Variants in NEO1 observed in about 807,000 individuals in gnomAD.
The protein encoded by NEO1 is neogenin 1.
NEO1 carries 63 observed loss-of-function variants against 159.7 expected under a neutral mutation model. The ratio of observed to expected loss-of-function variants is 0.39; its 90% CI spans 0.32 to 0.49. The LOEUF is 0.49. Ranked by LOEUF, NEO1 falls within the 20% of genes least tolerant of loss-of-function variation. The probability of loss-of-function intolerance (pLI) is 0.85; values close to 1 mark genes in which losing one functional copy is unlikely to be tolerated. For synonymous variants in NEO1, 633 were observed against 662.0 expected, an observed-to-expected ratio of 0.96 and a Z score of 0.67; for missense variants, 1,615 against 1,831.0, an observed-to-expected ratio of 0.88 and a Z score of 2.15.
intron 1 of NEO1, among the ~76,000 whole-genome samples, chr15:73,098,200 T>C (rs960784933): frequency 1.3e-5 from 2 of 152,186 alleles, no homozygotes; most frequent in African/African-American, 2.4e-5. Context: ...TATATCCTAC[T>C]ATGTATAGTT....
chr15:73,251,938 C>T (rs982156837), intron 11 of NEO1, among the ~76,000 whole-genome samples: 9 of 152,182 alleles, frequency 5.9e-5, no homozygotes, highest in African/African-American at 2.2e-4. Context: ...TGCAGCAAAT[C>T]TTTGCTATGA....
intron 26 of NEO1, among the ~76,000 whole-genome samples, chr15:73,294,801 A>C (rs2042293275): frequency 1.3e-5 from 2 of 152,004 alleles, no homozygotes; most frequent in South Asian, 2.1e-4. Context: ...TGGCCTCCCA[A>C]AGTGCTGAAA....
At chr15:73,077,402 T>C (rs536049902) in intron 1 of NEO1, among the ~76,000 whole-genome samples, 1 of 152,336 alleles carries the variant, frequency 6.6e-6, no homozygotes, top group East Asian at 1.9e-4. Flanking sequence ...ACTAGTTATG[T>C]TCTCCACCCT....
chr15:73,258,666 C>T, intron 13 of NEO1, 100 bp from the exon 14 acceptor site: 1 of 943,782 alleles, frequency 1.1e-6, no homozygotes, highest in Admixed American at 2.0e-5. Context: ...AAGCTATATA[C>T]TGAGTTGGTG....
At chr15:73,069,128 T>A (rs1206715314) in intron 1 of NEO1, among the ~76,000 whole-genome samples, 1 of 114,548 alleles carries the variant, frequency 8.7e-6, no homozygotes, top group East Asian at 2.0e-4. Flanking sequence ...TTTTTGTATT[T>A]TTTTTTTTTT....
chr15:73,237,420 T>C (rs1337924219), intron 8 of NEO1, among the ~76,000 whole-genome samples: 2 of 152,240 alleles, frequency 1.3e-5, no homozygotes, highest in Non-Finnish European at 2.9e-5. Flanking sequence ...TGCCACATGC[T>C]GACTGTTCAC....
At chr15:73,073,142 G>A (rs1435629846) in intron 1 of NEO1, among the ~76,000 whole-genome samples, 1 of 152,088 alleles carries the variant, frequency 6.6e-6, no homozygotes, top group South Asian at 2.1e-4. Context: ...GAGAAAGATG[G>A]GTTATTATAA....
At chr15:73,258,405 C>T (rs761686264) in intron 13 of NEO1, among the ~76,000 whole-genome samples, 1 of 152,104 alleles carries the variant, frequency 6.6e-6, no homozygotes, top group African/African-American at 2.4e-5. Context: ...TTTTTTATAA[C>T]TCTTTCATTG....
In NEO1 at chr15:73,122,703, C is replaced by G. The variant is rs747677595; in HGVS notation, c.627C>G (p.Ser209Arg). Residue 209 changes from serine (S) to arginine (R), a missense_variant, in exon 3 of 29, where the codon AGC becomes AGG. Coordinates refer to ENST00000261908, the MANE Select transcript of NEO1 (RefSeq NM_002499.4). ...IKLPSGMLVISNATEGDGGLY... is the reference protein window; with the variant it reads ...IKLPSGMLVIRNATEGDGGLY... ...TTCCAAGTGGAATGCTGGTTATCAG[C>G]AATGCAACTGAAGGAGATGGCGGGC... 1.2e-6 allele frequency: 2 copies of G among 1,614,108 alleles called. No individual in the cohort carries two copies. Among genetic ancestry groups the G allele is most frequent in the Admixed American group, 1.7e-5 (1 of 60,016 alleles).
At chr15:73,072,317 A>G (rs562825340) in intron 1 of NEO1, among the ~76,000 whole-genome samples, 13 of 152,204 alleles carry the variant, frequency 8.5e-5, no homozygotes, top group African/African-American at 3.1e-4. Flanking sequence ...CATTAATGTA[A>G]TATCTGGAAG....
chr15:73,291,430 A>C (rs1320706052), intron 25 of NEO1, among the ~76,000 whole-genome samples: 2 of 152,168 alleles, frequency 1.3e-5, no homozygotes, highest in Admixed American at 1.3e-4. Flanking sequence ...TTTGTGCCTT[A>C]ACAGTTGGGT....
intron 5 of NEO1, chr15:73,162,378 T>TTTATTTATTTATTTA (rs1379424507): frequency 6.3e-6 from 1 of 159,654 alleles, no homozygotes; most frequent in Non-Finnish European, 1.4e-5. Context: ...ACTTTATTTA[T>TTTATTTATTTATTTA]TTTGTTTTGT....
chr15:73,160,330 A>G (rs189892335), intron 5 of NEO1, among the ~76,000 whole-genome samples: 233 of 152,304 alleles, frequency 1.5e-3, no homozygotes, highest in African/African-American at 5.3e-3. Context: ...ATGTCCTATA[A>G]TTCAGTTCAG....
intron 26 of NEO1, among the ~76,000 whole-genome samples, chr15:73,297,668 A>T (rs1009023203): frequency 6.6e-6 from 1 of 151,988 alleles, no homozygotes; most frequent in African/African-American, 2.4e-5. Context: ...ATATTTTGAG[A>T]TTGTTATCAT....
intron 23 of NEO1, among the ~76,000 whole-genome samples, chr15:73,284,960 A>G (rs919239397): frequency 6.6e-6 from 1 of 152,008 alleles, no homozygotes; most frequent in Non-Finnish European, 1.5e-5. Flanking sequence ...CTACTCTAGA[A>G]CTTTTCTTCA....
rs2042741595 is a variant in NEO1, at chr15:73,305,182, A to G, written c.*2486A>G. 6.6e-6 allele frequency: 1 copy of G among 152,080 alleles called. No homozygotes were observed. Among genetic ancestry groups the G allele is most frequent in the Non-Finnish European group, 1.5e-5 (1 of 68,010 alleles). 9.4% of individuals were successfully genotyped at this position (152,080 alleles called of 1,614,324 possible). On this transcript the variant is annotated 3_prime_UTR_variant, in exon 29 of 29. Transcript: ENST00000261908. Reference sequence around the variant, plus strand: ...GTTTTTATTTAGTATTGGAAATCCAATACACTTTTTTAATCCAATCAAACT... The same window carrying G: ...GTTTTTATTTAGTATTGGAAATCCAGTACACTTTTTTAATCCAATCAAACT...
At chr15:73,259,752 T>C (rs965790070) in intron 14 of NEO1, among the ~76,000 whole-genome samples, 1 of 152,220 alleles carries the variant, frequency 6.6e-6, no homozygotes, top group African/African-American at 2.4e-5. Context: ...CCTCTTAGTC[T>C]CTCACCAATT....
At chr15:73,187,099 C>T (rs995818724) in intron 7 of NEO1, among the ~76,000 whole-genome samples, 12 of 152,162 alleles carry the variant, frequency 7.9e-5, no homozygotes, top group Non-Finnish European at 1.5e-4. Context: ...CACAACAATA[C>T]TGTGTGTCGA....
chr15:73,261,833 AT>A (rs1219359272), intron 15 of NEO1, among the ~76,000 whole-genome samples: 2 of 152,108 alleles, frequency 1.3e-5, no homozygotes, highest in African/African-American at 2.4e-5. Context: ...AGAATAGACA[AT>A]TTTTTTAAAG....
Sources: gnomAD v4.1 joint callset for allele counts (sites outside exome capture counted in the v4.1 genomes callset) on GRCh38, gnomAD v4.1.1 for gene constraint, MANE v1.5 for transcripts, NCBI Gene and HGNC (gene_info 2026-07-23, HGNC 2026-07-21) for gene names.